The following COG5 variants were observed in gnomAD, a reference collection of about 807,000 sequenced individuals.
COG5 encodes component of oligomeric golgi complex 5.
Under a neutral mutation model 110.4 loss-of-function variants are expected in COG5, and 86 were observed. The observed-to-expected ratio is 0.78, with a 90% CI of 0.65 to 0.93. COG5 has a LOEUF of 0.93. Ranked by LOEUF, COG5 falls within the 40% of genes least tolerant of loss-of-function variation. The pLI, the probability that COG5 is intolerant of heterozygous loss-of-function variation, is 0.00. For missense variants in COG5, 1,077 were observed against 987.0 expected, an observed-to-expected ratio of 1.09 and a Z score of -1.22; for synonymous variants, 360 against 334.6, an observed-to-expected ratio of 1.08 and a Z score of -0.83.
At chr7:107,355,939 A>G (rs1812587034) in intron 10 of COG5, among the ~76,000 whole-genome samples, 1 of 152,232 alleles carries the variant, frequency 6.6e-6, no homozygotes, top group Non-Finnish European at 1.5e-5. Context: ...TACATTATCA[A>G]CTGAAGTCCA....
chr7:107,381,671 T>C (rs1166206451), intron 7 of COG5, among the ~76,000 whole-genome samples: 1 of 152,158 alleles, frequency 6.6e-6, no homozygotes, highest in Non-Finnish European at 1.5e-5. Flanking sequence ...GACATTGGAA[T>C]AAAGGAAAAT....
chr7:107,477,534 T>C (rs971319633), intron 6 of COG5, among the ~76,000 whole-genome samples: 1 of 151,836 alleles, frequency 6.6e-6, no homozygotes, highest in Non-Finnish European at 1.5e-5. Flanking sequence ...TTTAAACTGC[T>C]ATCATTTCTA....
intron 11 of COG5, among the ~76,000 whole-genome samples, chr7:107,319,766 G>C (rs142401986): frequency 2.0e-5 from 3 of 152,176 alleles, no homozygotes; most frequent in East Asian, 1.9e-4. Context: ...ATTATGCTGA[G>C]TGACTGAGTG....
At chr7:107,214,818 A>G (rs1300295444) in intron 19 of COG5, among the ~76,000 whole-genome samples, 1 of 151,730 alleles carries the variant, frequency 6.6e-6, no homozygotes, top group Non-Finnish European at 1.5e-5. Flanking sequence ...GCTACTTAGG[A>G]GGCTGAATCA....
intron 11 of COG5, among the ~76,000 whole-genome samples, chr7:107,313,916 A>G (rs1808497402): frequency 1.3e-5 from 2 of 152,150 alleles, no homozygotes; most frequent in Admixed American, 6.5e-5. Flanking sequence ...TCAATTTTCC[A>G]TTTTTGAGTT....
intron 14 of COG5, among the ~76,000 whole-genome samples, chr7:107,275,636 A>G (rs1366398748): frequency 6.6e-6 from 1 of 151,836 alleles, no homozygotes; most frequent in Non-Finnish European, 1.5e-5. Flanking sequence ...GCTCACTGCA[A>G]CCTCCGCCTC....
intron 6 of COG5, among the ~76,000 whole-genome samples, chr7:107,481,964 A>C (rs532100697): frequency 3.3e-5 from 5 of 152,032 alleles, no homozygotes; most frequent in Non-Finnish European, 5.9e-5. Context: ...ATTGAAAACA[A>C]ATTTTTAACC....
chr7:107,208,948 C>T (rs7794915), intron 21 of COG5: 163,849 of 983,522 alleles, frequency 0.17, 14,268 homozygotes, highest in South Asian at 0.19. Flanking sequence ...GCACCCTGGA[C>T]CTTCTTGGGG....
chr7:107,364,679 C>T (rs930406898), intron 8 of COG5, among the ~76,000 whole-genome samples: 1 of 152,116 alleles, frequency 6.6e-6, no homozygotes, highest in South Asian at 2.1e-4. Context: ...TTAAGGAGGA[C>T]AAGATCAAGA....
Position 107,531,245 on chromosome 7 carries a change from T to C in COG5, c.418-3888A>G, listed in dbSNP as rs149061540. On this transcript the variant is annotated intron_variant, in intron 5 of 21. Transcript: ENST00000297135. ...GTTTAACAAGTTCCTCTATCTTCTA[T>C]ATTACCTGTAAATTAGTAGTTGGAT... 6.6e-4 allele frequency among the ~76,000 whole-genome samples: 101 copies of C among 152,328 alleles called. 1 individual carries two copies. The East Asian group carries it at 0.016, about 24-fold the overall frequency.
At chr7:107,540,156 A>ATGTG (rs1311338648) in intron 5 of COG5, among the ~76,000 whole-genome samples, 3 of 152,226 alleles carry the variant, frequency 2.0e-5, no homozygotes, top group Non-Finnish European at 4.4e-5. Flanking sequence ...CAATCTGTGC[A>ATGTG]TGTGTGAGAG....
intron 7 of COG5, among the ~76,000 whole-genome samples, chr7:107,402,034 T>G (rs1791469526): frequency 6.6e-6 from 1 of 152,194 alleles, no homozygotes; most frequent in Non-Finnish European, 1.5e-5. Flanking sequence ...ACTGCAAAAG[T>G]GAAAAGAGCT....
chr7:107,518,678 CAA>C (rs1225767233), intron 6 of COG5, among the ~76,000 whole-genome samples: 2 of 152,082 alleles, frequency 1.3e-5, no homozygotes, highest in Non-Finnish European at 2.9e-5. Context: ...TAGAGACCTA[CAA>C]AGAGACTCAG....
chr7:107,470,425 T>C (rs888291770), intron 6 of COG5: 1 of 152,184 alleles, frequency 6.6e-6, no homozygotes, highest in Non-Finnish European at 1.5e-5. Context: ...ACATCAAGAA[T>C]TTATCAAATC....
chr7:107,395,924 A>C (rs1790975986), intron 7 of COG5, among the ~76,000 whole-genome samples: 1 of 152,208 alleles, frequency 6.6e-6, no homozygotes, highest in Admixed American at 6.5e-5. Context: ...GCCGATTTTC[A>C]GGTAAACTTA....
intron 12 of COG5, among the ~76,000 whole-genome samples, chr7:107,295,088 TATATATATATA>T (rs1376703447): frequency 1.4e-5 from 1 of 72,130 alleles, no homozygotes; most frequent in African/African-American, 5.5e-5. Context: ...TATATATATA[TATATATATATA>T]TATTTTTTTT....
At chr7:107,250,444 G>A (rs1200581670) in intron 16 of COG5, among the ~76,000 whole-genome samples, 20 of 150,346 alleles carry the variant, frequency 1.3e-4, no homozygotes, top group Non-Finnish European at 1.9e-4. Context: ...ATAAAAAAAG[G>A]TAAAAAAAAA....
intron 7 of COG5, among the ~76,000 whole-genome samples, chr7:107,389,143 A>C (rs538277921): frequency 1.3e-5 from 2 of 152,254 alleles, no homozygotes; most frequent in Non-Finnish European, 2.9e-5. Flanking sequence ...TCGCCCTGTC[A>C]CCTGGGCAGA....
intron 12 of COG5, 76 bp from the exon 13 acceptor site, chr7:107,283,808 C>A (rs1157220302): frequency 2.1e-5 from 23 of 1,079,474 alleles, no homozygotes; most frequent in African/African-American, 7.9e-5. Flanking sequence ...CTGTAAATAC[C>A]TTTTTAAAAA....
Sources: allele counts gnomAD v4.1 joint callset (sites outside exome capture counted in the v4.1 genomes callset), GRCh38; gene constraint gnomAD v4.1.1; transcripts MANE v1.5; gene names NCBI Gene and HGNC (gene_info 2026-07-23, HGNC 2026-07-21).